TAB2: variants seen among roughly 807,000 people sequenced by gnomAD.
The protein encoded by TAB2 is TGF-beta-activated kinase 1 and MAP3K7-binding protein 2.
In TAB2, 3 loss-of-function variants were observed where a neutral mutation model predicts 65.0. That is an observed-to-expected ratio of 0.05 (90% confidence interval 0.02 to 0.12). The LOEUF is 0.12. TAB2 is among the 10% of genes least tolerant of loss of function. The pLI, the probability that TAB2 is intolerant of heterozygous loss-of-function variation, is 1.00. For synonymous variants in TAB2, 298 were observed against 285.1 expected, an observed-to-expected ratio of 1.05 and a Z score of -0.46; for missense variants, 623 against 840.3, an observed-to-expected ratio of 0.74 and a Z score of 3.20.
At chr6:149,397,557 A>C (rs1583158013) in intron 3 of TAB2, 47 bp from the exon 4 acceptor site, 1 of 1,607,596 alleles carries the variant, frequency 6.2e-7, no homozygotes, top group Middle Eastern at 1.7e-4. Flanking sequence ...TTAAAGGTTA[A>C]TTGATTAAAG....
intron 1 of TAB2, among the ~76,000 whole-genome samples, chr6:149,232,205 A>G (rs1256375312): frequency 1.3e-5 from 2 of 152,104 alleles, no homozygotes; most frequent in East Asian, 3.9e-4. Context: ...CCACCAGCCA[A>G]CCCACAGACA....
chr6:149,267,119 T>C (rs958238087), intron 1 of TAB2, among the ~76,000 whole-genome samples: 2 of 152,090 alleles, frequency 1.3e-5, no homozygotes, highest in Non-Finnish European at 2.9e-5. Flanking sequence ...CTGAATGAAA[T>C]GCGTGCCTGT....
Position 149,378,157 on chromosome 6 carries a change from A to G in TAB2, c.242A>G (p.Asp81Gly). 3 of 1,614,186 alleles carry G rather than the reference A, an allele frequency of 1.9e-6. No homozygotes were observed. The highest frequency in any genetic ancestry group is 8.5e-7 in the Non-Finnish European group (1 of 1,180,038). The change falls in exon 3 of 7, where the codon GAC (aspartate) becomes GGC (glycine). Residue 81 changes from aspartate (D) to glycine (G), a missense_variant. Around this residue, in one of 3 missense-constraint regions of TAB2, gnomAD observed 550 missense variants for 665.7 expected, o/e 0.83. Transcript: ENST00000637181. ...LRNHMTSLNL[D>G]LQSQNIYHHG... ...AATCACATGACTTCTCTCAACTTGG[A>G]CTTGCAATCACAGAACATTTACCAC...
chr6:149,301,398 T>C (rs953069661), intron 1 of TAB2, among the ~76,000 whole-genome samples: 2 of 152,248 alleles, frequency 1.3e-5, no homozygotes, highest in African/African-American at 4.8e-5. Flanking sequence ...ATTATCATCT[T>C]ACCTATGTAT....
intron 1 of TAB2, among the ~76,000 whole-genome samples, chr6:149,302,604 G>A (rs1431166684): frequency 1.3e-5 from 2 of 152,210 alleles, no homozygotes; most frequent in Admixed American, 6.5e-5. Flanking sequence ...AGACTCTTCT[G>A]ATGATGGAGG....
intron 1 of TAB2, among the ~76,000 whole-genome samples, chr6:149,354,140 G>A (rs1318838784): frequency 6.6e-6 from 1 of 152,120 alleles, no homozygotes; most frequent in Non-Finnish European, 1.5e-5. Flanking sequence ...CCCAGCTTCT[G>A]CTATCCAAAG....
chr6:149,228,401 G>A (rs956349346), intron 1 of TAB2, among the ~76,000 whole-genome samples: 18 of 152,128 alleles, frequency 1.2e-4, no homozygotes, highest in African/African-American at 2.2e-4. Flanking sequence ...CAGATTGCCC[G>A]TCAGAACCCT....
At chr6:149,252,250 A>G (rs138423262) in intron 1 of TAB2, among the ~76,000 whole-genome samples, 1,721 of 152,258 alleles carry the variant, frequency 0.011, 35 homozygotes, top group African/African-American at 0.04. Context: ...TACTAAAAAT[A>G]CAAAATTAGC....
intron 1 of TAB2, among the ~76,000 whole-genome samples, chr6:149,283,744 C>T (rs1778618147): frequency 6.6e-6 from 1 of 151,914 alleles, no homozygotes; most frequent in Non-Finnish European, 1.5e-5. Context: ...AGAAAACATA[C>T]TACAAGAAGA....
rs574724194 is a variant in TAB2, at chr6:149,377,603, A to G, written c.103-415A>G. 3.3e-5 allele frequency among the ~76,000 whole-genome samples: 5 copies of G among 152,380 alleles called. No homozygotes were observed. In the East Asian group the frequency reaches 9.6e-4, roughly 29 times the overall value. On this transcript the variant is annotated intron_variant, in intron 2 of 6. Coordinates refer to ENST00000637181, the MANE Select transcript of TAB2 (RefSeq NM_001292034.3). ...TAGCACTTGATACATTGTGCTATAT[A>G]TCAAACATTGATAGAATATTTTTCC...
At chr6:149,357,430 A>AAAAAAAAACACACACACACACAC in intron 1 of TAB2, among the ~76,000 whole-genome samples, 23 of 111,174 alleles carry the variant, frequency 2.1e-4, no homozygotes, top group East Asian at 3.1e-4. Context: ...AGAAAAAAAA[A>AAAAAAAAACACACACACACACAC]ACACACACAC....
At chr6:149,319,757 ATTTCTTT>A (rs1779374980) in intron 1 of TAB2, among the ~76,000 whole-genome samples, 1 of 152,166 alleles carries the variant, frequency 6.6e-6, no homozygotes, top group Non-Finnish European at 1.5e-5. Context: ...ATACTCCATT[ATTTCTTT>A]TTTCTTTTGT....
chr6:149,335,887 A>G (rs1327394233), intron 1 of TAB2, among the ~76,000 whole-genome samples: 2 of 152,128 alleles, frequency 1.3e-5, no homozygotes. Flanking sequence ...TATATTATGT[A>G]TATTGTGTGT....
chr6:149,311,406 G>C (rs1779164933), intron 1 of TAB2, among the ~76,000 whole-genome samples: 4 of 152,134 alleles, frequency 2.6e-5, no homozygotes, highest in African/African-American at 7.2e-5. Flanking sequence ...GAGTAACTTA[G>C]TTTCTCTTAA....
chr6:149,409,983 C>G lies in TAB2; in HGVS notation c.*264C>G, dbSNP rs1486811814. ...TAACTGTGTACAGTGTTACCAGTGT[C>G]CCATTATGGATAATTCTCAATATGT... On this transcript the variant is annotated 3_prime_UTR_variant, in exon 7 of 7. Coordinates refer to ENST00000637181, the MANE Select transcript of TAB2 (RefSeq NM_001292034.3). 1.9e-6 allele frequency: 1 copy of G among 520,286 alleles called. No homozygotes were observed. The highest frequency in any genetic ancestry group is 1.9e-5 in the African/African-American group (1 of 52,298). 32.2% of individuals were successfully genotyped at this position (520,286 alleles called of 1,614,324 possible). A position where few individuals can be genotyped will look rare whatever the true frequency, so the allele number is the denominator to read the frequency against.
chr6:149,283,743 A>T (rs1238105226), intron 1 of TAB2, among the ~76,000 whole-genome samples: 2 of 152,078 alleles, frequency 1.3e-5, no homozygotes, highest in Non-Finnish European at 2.9e-5. Flanking sequence ...CAGAAAACAT[A>T]CTACAAGAAG....
chr6:149,301,150 G>A (rs911040057), intron 1 of TAB2, among the ~76,000 whole-genome samples: 2 of 152,228 alleles, frequency 1.3e-5, no homozygotes, highest in South Asian at 4.1e-4. Flanking sequence ...GCTCTTGGCA[G>A]GGTGGTCAGC....
rs149940424 is a variant in TAB2, at chr6:149,320,683, A to C, written c.-90+2668A>C. 6.8e-3 allele frequency among the ~76,000 whole-genome samples: 1,027 copies of C among 151,040 alleles called. 10 individuals carry two copies. The highest frequency in any genetic ancestry group is 0.024 in the African/African-American group (979 of 41,138). On this transcript the variant is annotated intron_variant, in intron 1 of 6. Transcript: ENST00000637181. The stretch of plus-strand genomic sequence containing the variant: ...TTTTCTAAAACAGCATTTTTTTTTG[A>C]GTTATATAAACAGATCAAGACTAAA...
intron 1 of TAB2, among the ~76,000 whole-genome samples, chr6:149,331,516 T>C (rs770902484): frequency 7.9e-5 from 12 of 152,148 alleles, no homozygotes; most frequent in Non-Finnish European, 1.3e-4. Context: ...CATTTTTTTC[T>C]TCCCAATCTG....
Sources: allele counts gnomAD v4.1 joint callset (sites outside exome capture counted in the v4.1 genomes callset), GRCh38; gene constraint gnomAD v4.1.1; regional missense constraint gnomAD v4.1.1; transcripts MANE v1.5; gene names NCBI Gene and HGNC (gene_info 2026-07-23, HGNC 2026-07-21).